Variants in TIAM2 observed in about 807,000 individuals in gnomAD.
TIAM2 encodes the protein TIAM Rac1 associated GEF 2, also known as rho guanine nucleotide exchange factor TIAM2.
TIAM2 carries 80 observed loss-of-function variants against 152.9 expected under a neutral mutation model. That is an observed-to-expected ratio of 0.52 (90% CI 0.44 to 0.63). TIAM2 has a LOEUF of 0.63. Ranked by LOEUF, TIAM2 falls within the 30% of genes least tolerant of loss-of-function variation. The pLI, the probability that TIAM2 is intolerant of heterozygous loss-of-function variation, is 0.00. For synonymous variants in TIAM2, 804 were observed against 838.0 expected, an observed-to-expected ratio of 0.96 and a Z score of 0.70; for missense variants, 1,965 against 2,120.1, an observed-to-expected ratio of 0.93 and a Z score of 1.44.
intron 1 of TIAM2, among the ~76,000 whole-genome samples, chr6:155,065,211 C>T (rs965211499): frequency 1.3e-5 from 2 of 152,036 alleles, no homozygotes; most frequent in Non-Finnish European, 2.9e-5. Context: ...ACCTCGGCCT[C>T]CCAAAGTGCT....
At chr6:155,046,455 C>T (rs528299152) in intron 1 of TIAM2, among the ~76,000 whole-genome samples, 4 of 151,494 alleles carry the variant, frequency 2.6e-5, no homozygotes, top group Admixed American at 1.3e-4. Flanking sequence ...CCTGTCTCAG[C>T]CTCCCGAGTA....
rs1779370858 is a variant in TIAM2, at chr6:155,129,110, G to A, written c.-6-108G>A. ...GTCCCTACTCCTCTGAGTCCTTCCA[G>A]GCACTGAAGTTGCTGTGTAATATGC... On this transcript the variant is annotated intron_variant, in intron 3 of 26. Coordinates refer to ENST00000682666, the MANE Select transcript of TIAM2 (RefSeq NM_012454.4). This position sits in a 1 kb window ranked among gnomAD's most constrained non-coding sequence, Gnocchi z 4.8. The A allele has an allele frequency of 9.9e-7, 1 of 1,006,094 alleles. No homozygotes were observed. Among genetic ancestry groups the A allele is most frequent in the South Asian group, 1.6e-5 (1 of 61,028 alleles). The allele number at this position is 1,006,094 out of a possible 1,614,324, so 62.3% of individuals were successfully genotyped here.
chr6:155,179,554 C>T, intron 12 of TIAM2, 98 bp downstream of exon 12: 1 of 1,087,196 alleles, frequency 9.2e-7, no homozygotes, highest in Non-Finnish European at 1.3e-6. Flanking sequence ...CTTACATTCA[C>T]ATTTTCAGAA....
At chr6:155,229,320 T>C (rs989087956) in intron 15 of TIAM2, among the ~76,000 whole-genome samples, 1 of 152,368 alleles carries the variant, frequency 6.6e-6, no homozygotes, top group Admixed American at 6.5e-5. Context: ...GGGAAATTTA[T>C]TCTTCCATAC....
At chr6:155,134,984 C>T (rs1055866426) in intron 4 of TIAM2, among the ~76,000 whole-genome samples, 10 of 152,128 alleles carry the variant, frequency 6.6e-5, no homozygotes, top group Admixed American at 6.5e-5. Flanking sequence ...GGATTACAGG[C>T]GTGAGCCACC....
chr6:155,053,533 A>G (rs1235729278), intron 1 of TIAM2, among the ~76,000 whole-genome samples: 1 of 143,814 alleles, frequency 7.0e-6, no homozygotes, highest in Non-Finnish European at 1.5e-5. Context: ...GTGCAGTGTC[A>G]CAATCTCAGC....
chr6:155,091,760 T>C (rs9480047), intron 2 of TIAM2, among the ~76,000 whole-genome samples: 20,848 of 152,138 alleles, frequency 0.14, 1,638 homozygotes, highest in Admixed American at 0.24. Flanking sequence ...GAGAGGTGTT[T>C]GTGCTTTAAC....
At chr6:155,110,313 C>CTTTTTTT (rs1488922028) in intron 2 of TIAM2, among the ~76,000 whole-genome samples, 1 of 90,368 alleles carries the variant, frequency 1.1e-5, no homozygotes, top group African/African-American at 4.9e-5. Context: ...TTTCCTCTTT[C>CTTTTTTT]TTTTCTTTTT....
chr6:155,182,157 G>A (rs1177671892), intron 12 of TIAM2, 69 bp from the exon 13 acceptor site: 3 of 1,260,888 alleles, frequency 2.4e-6, no homozygotes, highest in African/African-American at 3.0e-5. Context: ...AGGAGATACT[G>A]CCGGTGTGGT....
intron 14 of TIAM2, among the ~76,000 whole-genome samples, chr6:155,210,202 T>C (rs185815460): frequency 8.8e-4 from 134 of 152,262 alleles, no homozygotes; most frequent in Admixed American, 1.4e-3. Context: ...GTTCTACTTA[T>C]TTCATATTAT....
chr6:155,147,370 G>A (rs184510889), intron 6 of TIAM2, among the ~76,000 whole-genome samples: 2 of 152,074 alleles, frequency 1.3e-5, no homozygotes, highest in African/African-American at 2.4e-5. Context: ...GCAGTGGCAC[G>A]ATCTCAGCTC....
At chr6:155,143,369 A>G (rs1779754582) in intron 5 of TIAM2, among the ~76,000 whole-genome samples, 2 of 152,260 alleles carry the variant, frequency 1.3e-5, no homozygotes. Context: ...TGAGGGGAAG[A>G]GTAAGTACTT....
chr6:155,254,572 A>G lies in TIAM2; in HGVS notation c.4467A>G (p.Leu1489=). 6.2e-7 allele frequency: 1 copy of G among 1,609,624 alleles called. No individual in the cohort carries two copies. Among genetic ancestry groups the G allele is most frequent in the Non-Finnish European group, 8.5e-7 (1 of 1,176,046 alleles). Residue 1489 remains leucine, a splice_region_variant and synonymous_variant, in exon 26 of 27, where the codon TTA becomes TTG. Transcript: ENST00000682666. ...LKNRVPVSAK[L]ASSRSLKVLK... ...ACCGAGTTCCTGTTTCGGCCAAATTAGGTGAGAATTTTGCTAGCCTTGTGT... is the reference window on the plus strand; with the variant it reads ...ACCGAGTTCCTGTTTCGGCCAAATTGGGTGAGAATTTTGCTAGCCTTGTGT...
At chr6:155,012,184 G>A (rs892336275) in intron 1 of TIAM2, among the ~76,000 whole-genome samples, 1 of 152,148 alleles carries the variant, frequency 6.6e-6, no homozygotes, top group Admixed American at 6.5e-5. Flanking sequence ...ATTACAAACA[G>A]TTTATGTTCA....
chr6:155,109,382 A>C (rs1393539908), intron 2 of TIAM2, among the ~76,000 whole-genome samples: 11 of 152,230 alleles, frequency 7.2e-5, no homozygotes, highest in Non-Finnish European at 1.6e-4. Flanking sequence ...TTTGAAATTA[A>C]GTGTGCCTTC....
At position 155,253,981 on chromosome 6, in the gene TIAM2, A is replaced by G. The variant is rs1783842917; in HGVS notation, c.4234A>G (p.Asn1412Asp). Residue 1412 changes from asparagine (N) to aspartate (D), a missense_variant, in exon 25 of 27, where the codon AAT becomes GAT. By Grantham distance (23) the Asn-to-Asp change is conservative. Transcript: ENST00000682666. ...VRLGNPAGTE[N>D]NSIWELIHTK... ...CATTTCCTTTTACATAGGGACAGAAAATAATTCCATATGGGAACTGATCCA... is the reference window on the plus strand; with the variant it reads ...CATTTCCTTTTACATAGGGACAGAAGATAATTCCATATGGGAACTGATCCA... The G allele has an allele frequency of 3.7e-6, 6 of 1,612,470 alleles. No homozygotes were observed. The highest frequency in any genetic ancestry group is 4.2e-6 in the Non-Finnish European group (5 of 1,179,592).
intron 2 of TIAM2, among the ~76,000 whole-genome samples, chr6:155,125,857 A>G (rs986380156): frequency 6.6e-6 from 1 of 152,204 alleles, no homozygotes; most frequent in African/African-American, 2.4e-5. Flanking sequence ...AGAGAAAAAA[A>G]AAAGAATTAC....
chr6:155,137,977 T>C (rs554800812), intron 5 of TIAM2, among the ~76,000 whole-genome samples: 1 of 152,086 alleles, frequency 6.6e-6, no homozygotes, highest in African/African-American at 2.4e-5. Context: ...GCTGGAATTA[T>C]GGGCGTGGGC....
chr6:155,112,920 G>A (rs73004918), intron 2 of TIAM2, among the ~76,000 whole-genome samples: 10,287 of 150,576 alleles, frequency 0.068, 453 homozygotes, highest in East Asian at 0.22. Flanking sequence ...CCAAGCTGGG[G>A]CGCATTGCCT....
Sources: allele counts gnomAD v4.1 joint callset (sites outside exome capture counted in the v4.1 genomes callset), GRCh38; gene constraint gnomAD v4.1.1; non-coding constraint Gnocchi (gnomAD v3.1); transcripts MANE v1.5; gene names NCBI Gene and HGNC (gene_info 2026-07-23, HGNC 2026-07-21).